Variants in GABRA2 observed in about 807,000 individuals in gnomAD.
GABRA2 encodes gamma-aminobutyric acid receptor subunit alpha-2.
GABRA2 carries 16 observed loss-of-function variants against 48.7 expected under a neutral mutation model. The ratio of observed to expected loss-of-function variants is 0.33; its 90% confidence interval spans 0.22 to 0.50. The LOEUF (loss-of-function observed/expected upper bound fraction) is 0.50, where lower values mean the gene tolerates loss of function less well. Among genes scored for constraint, GABRA2 ranks in the 20% least tolerant of loss-of-function variants. GABRA2 has a pLI of 0.98. For missense variants in GABRA2, 275 were observed against 535.6 expected (o/e 0.51, Z 4.80); for synonymous variants, 185 against 184.5 (o/e 1.00, Z -0.02).
chr4:46,264,801 C>A (rs1179579123), intron 8 of GABRA2, among the ~76,000 whole-genome samples: 2 of 151,534 alleles, frequency 1.3e-5, no homozygotes, highest in Non-Finnish European at 2.9e-5. Context: ...ACCAGAGAAG[C>A]CATTTGACCT....
intron 8 of GABRA2, among the ~76,000 whole-genome samples, chr4:46,301,134 T>C (rs1362363717): frequency 6.6e-6 from 1 of 151,810 alleles, no homozygotes; most frequent in Non-Finnish European, 1.5e-5. Flanking sequence ...ATCCTTACCC[T>C]CCCTCCCTTC....
At chr4:46,305,774 CG>C in intron 6 of GABRA2, 63 bp from the exon 7 acceptor site, 1 of 1,215,494 alleles carries the variant, frequency 8.2e-7, no homozygotes, top group Non-Finnish European at 1.2e-6. Context: ...TAGTGCTACA[CG>C]AACGGTTGTG....
intron 1 of GABRA2, chr4:46,389,257 C>T: frequency 2.0e-6 from 2 of 985,476 alleles, no homozygotes; most frequent in Non-Finnish European, 2.4e-6. Context: ...CTCACGTCTT[C>T]TTTTCTTCAC....
intron 1 of GABRA2, chr4:46,389,398 G>T: frequency 1.0e-6 from 1 of 985,364 alleles, no homozygotes; most frequent in Non-Finnish European, 1.2e-6. Context: ...CTCTGGAGCC[G>T]AGGATCACAA....
chr4:46,368,274 C>G (rs114518687), intron 3 of GABRA2: 22 of 152,254 alleles, frequency 1.4e-4, no homozygotes, highest in African/African-American at 4.8e-4. Context: ...GTAACACTGA[C>G]AGCCACCTCA....
Position 46,249,643 on chromosome 4 carries a change from A to T in GABRA2, c.*665T>A. On this transcript the variant is annotated 3_prime_UTR_variant, in exon 10 of 10. Transcript: ENST00000381620. Reference sequence around the variant, plus strand: ...CTTTCAAATAAACTCTGAAGCTAAAAATGTAATGACCATGACATTCCAATA... The same window carrying T: ...CTTTCAAATAAACTCTGAAGCTAAATATGTAATGACCATGACATTCCAATA... 6.6e-6 allele frequency: 1 copy of T among 151,534 alleles called. No individual in the cohort carries two copies. Among genetic ancestry groups the T allele is most frequent in the East Asian group, 2.0e-4 (1 of 5,124 alleles). The allele number at this position is 151,534 out of a possible 1,614,324, so 9.4% of individuals were successfully genotyped here. A position where few individuals can be genotyped will look rare whatever the true frequency, so the allele number is the denominator to read the frequency against.
intron 2 of GABRA2, 24 bp downstream of exon 2, chr4:46,388,611 TA>T (rs774051605): frequency 6.2e-7 from 1 of 1,612,752 alleles, no homozygotes; most frequent in African/African-American, 1.3e-5. Flanking sequence ...TGAATTAAAA[TA>T]GTCAAATACA....
chr4:46,359,780 G>T (rs534515768), intron 3 of GABRA2, among the ~76,000 whole-genome samples: 1 of 152,228 alleles, frequency 6.6e-6, no homozygotes, highest in East Asian at 1.9e-4. Context: ...AGCCGGGCAT[G>T]GAGGTGGGTG....
At chr4:46,370,359 C>G (rs1340756185) in intron 3 of GABRA2, among the ~76,000 whole-genome samples, 2 of 151,262 alleles carry the variant, frequency 1.3e-5, no homozygotes. Context: ...TAAAGAGAAA[C>G]CAAAGAAAAA....
At chr4:46,296,737 A>AG (rs1462267469) in intron 8 of GABRA2, among the ~76,000 whole-genome samples, 4 of 151,748 alleles carry the variant, frequency 2.6e-5, no homozygotes, top group Non-Finnish European at 5.9e-5. Context: ...AGAAGAAGGT[A>AG]GTCATCAATA....
In GABRA2 at chr4:46,243,757, A is replaced by G. The variant is rs1471408924; in HGVS notation, c.*6551T>C. On this transcript the variant is annotated 3_prime_UTR_variant, in exon 10 of 10. Coordinates refer to ENST00000381620, the MANE Select transcript of GABRA2 (RefSeq NM_000807.4). Reference sequence around the variant, plus strand: ...AACCAGAAAACCTACCAATAAGTATACTGTCACCCAGAAAATTTCAAATTT... The same window carrying G: ...AACCAGAAAACCTACCAATAAGTATGCTGTCACCCAGAAAATTTCAAATTT... 2 of 151,482 alleles carry G rather than the reference A, an allele frequency of 1.3e-5. No homozygotes were observed. Among genetic ancestry groups the G allele is most frequent in the Non-Finnish European group, 3.0e-5 (2 of 67,604 alleles). The allele number at this position is 151,482 out of a possible 1,614,324, so 9.4% of individuals were successfully genotyped here. A position where few individuals can be genotyped will look rare whatever the true frequency, so the allele number is the denominator to read the frequency against.
At chr4:46,344,499 A>T (rs1733818753) in intron 3 of GABRA2, among the ~76,000 whole-genome samples, 1 of 151,982 alleles carries the variant, frequency 6.6e-6, no homozygotes, top group African/African-American at 2.4e-5. Flanking sequence ...ACTCTAGCAA[A>T]AGGGCAAGGT....
chr4:46,262,775 G>T (rs1717243232), intron 8 of GABRA2, among the ~76,000 whole-genome samples: 1 of 151,952 alleles, frequency 6.6e-6, no homozygotes, highest in Non-Finnish European at 1.5e-5. Flanking sequence ...GCAGGTGCCT[G>T]TAATCCCATC....
intron 9 of GABRA2, chr4:46,261,607 A>T: frequency 2.2e-6 from 1 of 445,028 alleles, no homozygotes; most frequent in South Asian, 3.9e-5. Flanking sequence ...CAGATTCTTC[A>T]TGAGTAAAAA....
intron 3 of GABRA2, among the ~76,000 whole-genome samples, chr4:46,355,085 G>T (rs1432237045): frequency 6.6e-6 from 1 of 151,976 alleles, no homozygotes; most frequent in African/African-American, 2.4e-5. Flanking sequence ...CCCTTCCGAG[G>T]CACCCTCCAC....
chr4:46,353,225 C>T (rs889389059), intron 3 of GABRA2, among the ~76,000 whole-genome samples: 2 of 152,064 alleles, frequency 1.3e-5, no homozygotes, highest in African/African-American at 4.8e-5. Flanking sequence ...CATCGGAAAT[C>T]CTGCTGACTC....
At chr4:46,312,862 T>G in intron 4 of GABRA2, 146 bp from the exon 5 acceptor site, 1 of 563,132 alleles carries the variant, frequency 1.8e-6, no homozygotes, top group Non-Finnish European at 3.1e-6. Flanking sequence ...ATTACTCCTT[T>G]GGCTTATCAA....
At chr4:46,277,693 C>G (rs903550631) in intron 8 of GABRA2, among the ~76,000 whole-genome samples, 3 of 152,088 alleles carry the variant, frequency 2.0e-5, no homozygotes, top group Non-Finnish European at 4.4e-5. Context: ...ATGACCTTAT[C>G]CATGGGCTGC....
intron 6 of GABRA2, among the ~76,000 whole-genome samples, chr4:46,306,031 T>C (rs1726631109): frequency 6.6e-6 from 1 of 151,942 alleles, no homozygotes; most frequent in Non-Finnish European, 1.5e-5. Flanking sequence ...AAAGGTAGCA[T>C]ATGAAGACAC....
Sources: gnomAD v4.1 joint callset for allele counts (sites outside exome capture counted in the v4.1 genomes callset) on GRCh38, gnomAD v4.1.1 for gene constraint, MANE v1.5 for transcripts, NCBI Gene and HGNC (gene_info 2026-07-23, HGNC 2026-07-21) for gene names.